Variants in SRSF7 observed in about 807,000 individuals in gnomAD.
The protein encoded by SRSF7 is serine and arginine rich splicing factor 7.
Under a neutral mutation model 42.2 loss-of-function variants are expected in SRSF7, and 15 were observed. The ratio of observed to expected loss-of-function variants is 0.36; its 90% CI spans 0.24 to 0.55. The LOEUF is 0.55. SRSF7 is among the 20% of genes least tolerant of loss of function. SRSF7 has a pLI of 0.88. For missense variants in SRSF7, 181 were observed against 305.9 expected, an observed-to-expected ratio of 0.59 and a Z score of 3.04; for synonymous variants, 138 against 107.9, an observed-to-expected ratio of 1.28 and a Z score of -1.73.
chr2:38,749,563 C>A lies in SRSF7; in HGVS notation c.352G>T (p.Asp118Tyr). 1 of 1,587,530 alleles carries A rather than the reference C, an allele frequency of 6.3e-7. No individual in the cohort carries two copies. Among genetic ancestry groups the A allele is most frequent in the Non-Finnish European group, 8.5e-7 (1 of 1,171,386 alleles). Residue 118 changes from aspartate (D) to tyrosine (Y), a missense_variant, in exon 3 of 8, where the codon GAT becomes TAT. By Grantham distance (160) the Asp-to-Tyr change is radical. Coordinates refer to ENST00000313117, the MANE Select transcript of SRSF7 (RefSeq NM_001031684.3). ...ECGEKGHYAY[D>Y]CHRYSRRRRS... ...CTTCGCCGGCTGTAACGATGACAAT[C>A]ATAAGCATAATGTCCCTTTTCGCCA...
Position 38,749,517 on chromosome 2 carries a change from TAAAA to T in SRSF7, c.386+8_386+11del, listed in dbSNP as rs749214982. The T allele has an allele frequency of 7.2e-6, 11 of 1,518,636 alleles. No individual in the cohort carries two copies. In the African/African-American group the frequency reaches 1.4e-4, roughly 19 times the overall value. The allele number at this position is 1,518,636 out of a possible 1,614,324, so 94.1% of individuals were successfully genotyped here. On this transcript the variant is annotated splice_region_variant and intron_variant, in intron 3 of 7. Transcript: ENST00000313117. ...ACTAGAATACCAACCATTCCTTTATTAAAATAAATACCTGCTTCTTCTTCGCCGG... is the reference window on the plus strand; with the variant it reads ...ACTAGAATACCAACCATTCCTTTATTTAAATACCTGCTTCTTCTTCGCCGG...
intron 5 of SRSF7, among the ~76,000 whole-genome samples, chr2:38,747,727 T>C (rs1014152279): frequency 2.0e-5 from 3 of 152,166 alleles, no homozygotes; most frequent in South Asian, 4.1e-4. Flanking sequence ...GGAAAATCAA[T>C]TACCATCTTT....
intron 4 of SRSF7, 107 bp from the exon 5 acceptor site, chr2:38,748,264 T>C (rs1454811721): frequency 1.2e-6 from 1 of 815,522 alleles, no homozygotes; most frequent in Admixed American, 2.6e-5. Context: ...ATCCCAGCAC[T>C]GCGGGAGGAT....
Position 38,744,282 on chromosome 2 carries a change from G to A in SRSF7, c.*851C>T. The A allele has an allele frequency of 1.3e-5, 2 of 152,574 alleles. No individual in the cohort carries two copies. The highest frequency in any genetic ancestry group is 2.9e-5 in the Non-Finnish European group (2 of 68,024). 9.5% of individuals were successfully genotyped at this position (152,574 alleles called of 1,614,324 possible). On this transcript the variant is annotated 3_prime_UTR_variant, in exon 8 of 8. Transcript: ENST00000313117. ...GAATAGATGAAGAGTATCTGGGCTG[G>A]AAAATTTTGCAAAGCTGGTTTACAT...
intron 5 of SRSF7, among the ~76,000 whole-genome samples, chr2:38,747,542 T>C (rs1199288845): frequency 1.3e-5 from 2 of 152,220 alleles, no homozygotes; most frequent in Admixed American, 6.5e-5. Context: ...TCTGGTTCTT[T>C]AGTTTTTTCA....
chr2:38,751,399 C>A (rs1054343250), upstream of SRSF7: 48 of 1,112,986 alleles, frequency 4.3e-5, 1 homozygote, highest in Non-Finnish European at 6.0e-5. Flanking sequence ...TATGCGGCCG[C>A]TGCGCTTTGC....
intron 2 of SRSF7, 94 bp downstream of exon 2, chr2:38,749,920 C>G (rs558931911): frequency 2.9e-6 from 4 of 1,397,268 alleles, no homozygotes; most frequent in Non-Finnish European, 3.9e-6. Context: ...TATTTAAGGT[C>G]TCTTCCAGAC....
At chr2:38,748,200 TTTTTGGCCTG>T in intron 4 of SRSF7, 43 bp from the exon 5 acceptor site, 2 of 1,545,332 alleles carry the variant, frequency 1.3e-6, no homozygotes, top group Admixed American at 1.8e-5. Context: ...GTTTTTTTTT[TTTTTGGCCTG>T]TTAAGACTTC....
chr2:38,748,168 G>T lies in SRSF7; in HGVS notation c.462-11C>A, dbSNP rs147806516. The T allele has an allele frequency of 6.4e-6, 10 of 1,565,486 alleles. No individual in the cohort carries two copies. The highest frequency in any genetic ancestry group is 8.7e-6 in the Non-Finnish European group (10 of 1,143,568). ...GATGCTGACCTTGACCTAAAATAAA[G>T]AACTTTAAGTCCATCTCCACAGTTT... On this transcript the variant is annotated splice_polypyrimidine_tract_variant and intron_variant, in intron 4 of 7. Transcript: ENST00000313117.
chr2:38,745,508 A>G (rs1284433829), intron 7 of SRSF7, among the ~76,000 whole-genome samples: 1 of 152,100 alleles, frequency 6.6e-6, no homozygotes, highest in African/African-American at 2.4e-5. Flanking sequence ...ACAAAAAATT[A>G]GCCAGGCTTG....
Position 38,745,023 on chromosome 2 carries a change from T to C in SRSF7, c.*110A>G. The C allele has an allele frequency of 2.7e-6, 3 of 1,106,056 alleles. No homozygotes were observed. The highest frequency in any genetic ancestry group is 1.6e-5 in the South Asian group (1 of 63,724). The allele number at this position is 1,106,056 out of a possible 1,614,324, so 68.5% of individuals were successfully genotyped here. A position where few individuals can be genotyped will look rare whatever the true frequency, so the allele number is the denominator to read the frequency against. ...ATTTACATAGTAATCCAGATCCATTTTGATTAGATGGTTGAATTATCTTTC... is the reference window on the plus strand; with the variant it reads ...ATTTACATAGTAATCCAGATCCATTCTGATTAGATGGTTGAATTATCTTTC... On this transcript the variant is annotated 3_prime_UTR_variant, in exon 8 of 8. Transcript: ENST00000313117.
chr2:38,750,926 G>C (rs1237997957), intron 1 of SRSF7: 3 of 383,534 alleles, frequency 7.8e-6, no homozygotes, highest in African/African-American at 2.1e-5. Flanking sequence ...CCGAGGGCGG[G>C]GGGGGAGGGG....
At chr2:38,750,400 A>G (rs1001984391) in intron 1 of SRSF7, among the ~76,000 whole-genome samples, 1 of 151,918 alleles carries the variant, frequency 6.6e-6, no homozygotes, top group Non-Finnish European at 1.5e-5. Flanking sequence ...TTAACGTTCT[A>G]AATAATGCGG....
Position 38,744,896 on chromosome 2 carries a change from A to C in SRSF7, c.*237T>G. On this transcript the variant is annotated 3_prime_UTR_variant, in exon 8 of 8. Coordinates refer to ENST00000313117, the MANE Select transcript of SRSF7 (RefSeq NM_001031684.3). ...AATATTGAACACAAATCAAAAATCTAGTTAGAAACATTTTATTTAAATGTG... is the reference window on the plus strand; with the variant it reads ...AATATTGAACACAAATCAAAAATCTCGTTAGAAACATTTTATTTAAATGTG... 35 of 458,476 alleles carry C rather than the reference A, an allele frequency of 7.6e-5. 1 individual carries two copies. In the East Asian group the frequency reaches 9.2e-4, roughly 12 times the overall value. 28.4% of individuals were successfully genotyped at this position (458,476 alleles called of 1,614,324 possible).
In SRSF7 at chr2:38,748,539, A is replaced by G. The variant is rs923953864; in HGVS notation, c.461+40T>C. On this transcript the variant is annotated intron_variant, in intron 4 of 7. Coordinates refer to ENST00000313117, the MANE Select transcript of SRSF7 (RefSeq NM_001031684.3). The stretch of plus-strand genomic sequence containing the variant: ...TCTGTGTTGGACTACCAGTGAATTT[A>G]ATAATAATACAGAAAGACTTCAGTT... The G allele has an allele frequency of 8.8e-6, 14 of 1,587,414 alleles. No homozygotes were observed. In the African/African-American group the frequency reaches 1.7e-4, roughly 20 times the overall value.
chr2:38,751,330 C>G lies in SRSF7; in HGVS notation c.-74G>C. On this transcript the variant is annotated 5_prime_UTR_variant, in exon 1 of 8. Coordinates refer to ENST00000313117, the MANE Select transcript of SRSF7 (RefSeq NM_001031684.3). ...CGAGTGACGCAAAAGCTGACACACACCTTCACCCGCCAAGAGTCCCGGCGG... is the reference window on the plus strand; with the variant it reads ...CGAGTGACGCAAAAGCTGACACACAGCTTCACCCGCCAAGAGTCCCGGCGG... The G allele has an allele frequency of 4.4e-6, 7 of 1,600,898 alleles. No individual in the cohort carries two copies. Among genetic ancestry groups the G allele is most frequent in the Admixed American group, 1.7e-5 (1 of 59,418 alleles).
upstream of SRSF7, chr2:38,751,402 C>G (rs565862308): frequency 1.9e-6 from 2 of 1,076,122 alleles, no homozygotes; most frequent in East Asian, 2.6e-5. Context: ...GCGGCCGCTG[C>G]GCTTTGCGCA....
At chr2:38,746,655 C>A (rs1407624134) in intron 6 of SRSF7, 39 bp downstream of exon 6, 1 of 1,607,736 alleles carries the variant, frequency 6.2e-7, no homozygotes. Context: ...GATATTGGTG[C>A]CATATAACTA....
intron 2 of SRSF7, 124 bp from the exon 3 acceptor site, chr2:38,749,829 C>T: frequency 2.3e-6 from 3 of 1,282,034 alleles, no homozygotes; most frequent in South Asian, 1.7e-5. Context: ...CAAACTTTGG[C>T]GGTCTTTACC....
Sources: allele counts gnomAD v4.1 joint callset (sites outside exome capture counted in the v4.1 genomes callset), GRCh38; gene constraint gnomAD v4.1.1; transcripts MANE v1.5; gene names NCBI Gene and HGNC (gene_info 2026-07-23, HGNC 2026-07-21).